The following CLSTN2 variants were observed in gnomAD, a reference collection of about 807,000 sequenced individuals.
The protein encoded by CLSTN2 is calsyntenin-2.
In CLSTN2, 48 loss-of-function variants were observed where a neutral mutation model predicts 101.2. That is an observed-to-expected ratio of 0.47 (90% confidence interval 0.38 to 0.60). The LOEUF (loss-of-function observed/expected upper bound fraction) is 0.60, where lower values mean the gene tolerates loss of function less well. Ranked by LOEUF, CLSTN2 falls within the 20% of genes least tolerant of loss-of-function variation. CLSTN2 has a pLI of 0.00. For synonymous variants in CLSTN2, 481 were observed against 463.6 expected (o/e 1.04, Z -0.48); for missense variants, 1,160 against 1,238.2 (o/e 0.94, Z 0.95).
chr3:140,066,592 G>A (rs1218109605), intron 1 of CLSTN2, among the ~76,000 whole-genome samples: 1 of 152,174 alleles, frequency 6.6e-6, no homozygotes, highest in Non-Finnish European at 1.5e-5. Flanking sequence ...AAAGGAATAG[G>A]CCCAAACAGG....
intron 15 of CLSTN2, among the ~76,000 whole-genome samples, chr3:140,563,643 G>A (rs1009772045): frequency 6.6e-6 from 1 of 152,172 alleles, no homozygotes; most frequent in Non-Finnish European, 1.5e-5. Context: ...CTCTGTGGAA[G>A]TTTCTTTATA....
At chr3:140,037,816 G>A (rs2007685193) in intron 1 of CLSTN2, among the ~76,000 whole-genome samples, 1 of 152,090 alleles carries the variant, frequency 6.6e-6, no homozygotes, top group South Asian at 2.1e-4. Flanking sequence ...TTGTTCATGT[G>A]TTAGTTTGCT....
At chr3:140,227,614 A>G (rs9867123) in intron 2 of CLSTN2, among the ~76,000 whole-genome samples, 148,351 of 152,328 alleles carry the variant, frequency 0.97, 72,355 homozygotes, top group East Asian at 1. Flanking sequence ...GGGGCTTAGA[A>G]CCCACATTTC....
At chr3:140,560,167 A>T (rs1935881708) in intron 12 of CLSTN2, among the ~76,000 whole-genome samples, 1 of 152,242 alleles carries the variant, frequency 6.6e-6, no homozygotes, top group South Asian at 2.1e-4. Context: ...AAGCGCTATT[A>T]TAAGTGCCTT....
At chr3:140,503,159 G>A (rs143528325) in intron 8 of CLSTN2, among the ~76,000 whole-genome samples, 1 of 152,078 alleles carries the variant, frequency 6.6e-6, no homozygotes, top group African/African-American at 2.4e-5. Context: ...GTGTAGCATT[G>A]GACCCACCTA....
chr3:139,989,251 G>T (rs940678303), intron 1 of CLSTN2, among the ~76,000 whole-genome samples: 1 of 152,134 alleles, frequency 6.6e-6, no homozygotes, highest in African/African-American at 2.4e-5. Flanking sequence ...ACACTTTGCA[G>T]CCACCTAGGA....
intron 1 of CLSTN2, among the ~76,000 whole-genome samples, chr3:140,033,194 A>G (rs73867279): frequency 1.3e-5 from 2 of 152,362 alleles, no homozygotes; most frequent in Admixed American, 6.5e-5. Flanking sequence ...TTAAGAGAAC[A>G]GTAATACTGC....
chr3:140,447,534 G>A (rs141477599), intron 5 of CLSTN2, among the ~76,000 whole-genome samples: 6 of 152,312 alleles, frequency 3.9e-5, no homozygotes, highest in South Asian at 2.1e-4. Flanking sequence ...CATTTTAATC[G>A]TGATTTTGTT....
At chr3:140,488,409 A>AC (rs1934280206) in intron 8 of CLSTN2, among the ~76,000 whole-genome samples, 1 of 152,138 alleles carries the variant, frequency 6.6e-6, no homozygotes, top group Non-Finnish European at 1.5e-5. Context: ...CCTCATTTGT[A>AC]AAATGAGGAT....
intron 2 of CLSTN2, among the ~76,000 whole-genome samples, chr3:140,234,768 G>C (rs1392842911): frequency 6.6e-6 from 1 of 152,246 alleles, no homozygotes; most frequent in South Asian, 2.1e-4. Context: ...TCAGCCTTCT[G>C]TCCCCATTGA....
At chr3:140,360,425 G>A (rs903430485) in intron 2 of CLSTN2, among the ~76,000 whole-genome samples, 3 of 152,228 alleles carry the variant, frequency 2.0e-5, no homozygotes, top group Non-Finnish European at 4.4e-5. Context: ...GTGACAGCAA[G>A]TACCTGGGGA....
intron 6 of CLSTN2, among the ~76,000 whole-genome samples, chr3:140,453,871 G>A (rs1933316396): frequency 6.6e-6 from 1 of 152,138 alleles, no homozygotes; most frequent in Non-Finnish European, 1.5e-5. Context: ...GCACCTTGCA[G>A]CTCAACAGAA....
At chr3:140,276,070 T>TA (rs1184705646) in intron 2 of CLSTN2, among the ~76,000 whole-genome samples, 2 of 152,138 alleles carry the variant, frequency 1.3e-5, no homozygotes, top group Non-Finnish European at 2.9e-5. Flanking sequence ...AGAACCTGGA[T>TA]ATAAGCTGCA....
chr3:140,419,683 GTA>G (rs1271809678), intron 4 of CLSTN2, among the ~76,000 whole-genome samples: 2 of 57,774 alleles, frequency 3.5e-5, no homozygotes, highest in Non-Finnish European at 5.4e-5. Flanking sequence ...ATGTATATAC[GTA>G]TATATACGTA....
chr3:140,144,405 C>T (rs1341717145), intron 1 of CLSTN2, among the ~76,000 whole-genome samples: 1 of 152,110 alleles, frequency 6.6e-6, no homozygotes, highest in African/African-American at 2.4e-5. Flanking sequence ...GTCAGGAGTT[C>T]AAGACCAGCC....
At chr3:140,024,798 T>C (rs1413819909) in intron 1 of CLSTN2, among the ~76,000 whole-genome samples, 1 of 152,178 alleles carries the variant, frequency 6.6e-6, no homozygotes, top group Non-Finnish European at 1.5e-5. Flanking sequence ...TAAAATGGAG[T>C]GGTAATTCTT....
intron 1 of CLSTN2, among the ~76,000 whole-genome samples, chr3:139,963,883 G>A (rs1454094850): frequency 2.0e-5 from 3 of 152,208 alleles, no homozygotes; most frequent in Non-Finnish European, 4.4e-5. Context: ...GCACATAGTA[G>A]GAGCATAGCC....
intron 1 of CLSTN2, among the ~76,000 whole-genome samples, chr3:140,098,187 C>G (rs1482364840): frequency 1.3e-5 from 2 of 152,134 alleles, no homozygotes; most frequent in Admixed American, 6.5e-5. Flanking sequence ...TGCCACAAAG[C>G]AAACCACAGT....
chr3:140,173,874 A>C (rs1231201688), intron 1 of CLSTN2, among the ~76,000 whole-genome samples: 1 of 152,030 alleles, frequency 6.6e-6, no homozygotes, highest in East Asian at 1.9e-4. Flanking sequence ...CCATGAAACC[A>C]TGTTTTTCCT....
Sources: gnomAD v4.1 joint callset for allele counts (sites outside exome capture counted in the v4.1 genomes callset) on GRCh38, gnomAD v4.1.1 for gene constraint, MANE v1.5 for transcripts, NCBI Gene and HGNC (gene_info 2026-07-23, HGNC 2026-07-21) for gene names.